SEC31A: variants seen among roughly 807,000 people sequenced by gnomAD.
SEC31A encodes the protein protein transport protein Sec31A.
SEC31A carries 70 observed loss-of-function variants against 151.0 expected under a neutral mutation model. The observed-to-expected ratio is 0.46, with a 90% CI of 0.38 to 0.57. The LOEUF (loss-of-function observed/expected upper bound fraction) is 0.57. Ranked by LOEUF, SEC31A falls within the 20% of genes least tolerant of loss-of-function variation. The pLI, the probability that SEC31A is intolerant of heterozygous loss-of-function variation, is 0.00. For synonymous variants in SEC31A, 475 were observed against 505.9 expected, an observed-to-expected ratio of 0.94 and a Z score of 0.82; for missense variants, 1,330 against 1,471.2, an observed-to-expected ratio of 0.90 and a Z score of 1.57.
chr4:82,826,770 T>G (rs1181469857), intron 24 of SEC31A, among the ~76,000 whole-genome samples: 1 of 152,248 alleles, frequency 6.6e-6, no homozygotes, highest in Non-Finnish European at 1.5e-5. Flanking sequence ...TTTTTTTACT[T>G]GGGCAGGAGC....
intron 22 of SEC31A, among the ~76,000 whole-genome samples, chr4:82,831,711 C>G (rs772469748): frequency 3.9e-5 from 6 of 152,192 alleles, no homozygotes; most frequent in Non-Finnish European, 7.3e-5. Flanking sequence ...TGGGGTCATA[C>G]TGTGCATATA....
chr4:82,837,199 A>AGATATATAT (rs56888042), intron 22 of SEC31A, among the ~76,000 whole-genome samples: 19 of 83,132 alleles, frequency 2.3e-4, no homozygotes, highest in Non-Finnish European at 4.4e-4. Context: ...ATATATATAT[A>AGATATATAT]ATTTCACCAC....
At chr4:82,836,234 G>A (rs1482954374) in intron 22 of SEC31A, among the ~76,000 whole-genome samples, 2 of 151,942 alleles carry the variant, frequency 1.3e-5, no homozygotes, top group African/African-American at 2.4e-5. Flanking sequence ...TTAGCTGAGC[G>A]TGGTGGCACA....
chr4:82,871,845 A>T, intron 7 of SEC31A, 99 bp downstream of exon 7: 1 of 1,492,738 alleles, frequency 6.7e-7, no homozygotes, highest in Non-Finnish European at 9.1e-7. Flanking sequence ...TCTAAAAAAA[A>T]AAGTTCCTGT....
chr4:82,898,390 T>C (rs561723615), intron 3 of SEC31A, among the ~76,000 whole-genome samples: 14 of 152,366 alleles, frequency 9.2e-5, no homozygotes, highest in African/African-American at 3.4e-4. Flanking sequence ...GGATTACTTA[T>C]TTCCTATGCA....
chr4:82,857,765 C>T lies in SEC31A; in HGVS notation c.1627-1G>A. The T allele has an allele frequency of 1.3e-6, 2 of 1,579,586 alleles. No homozygotes were observed. The highest frequency in any genetic ancestry group is 1.7e-6 in the Non-Finnish European group (2 of 1,152,898). ...ATTCTTCTTTTTCCTCTTTAATGTG[C>T]TAAAGAGATGAAAAAAGCAACAATT... On this transcript the variant is annotated splice_acceptor_variant, in intron 14 of 26. Transcript: ENST00000395310. LOFTEE classifies it high-confidence loss of function.
rs1442562610 is a variant in SEC31A at position 82,867,161 on chromosome 4, A to G, written c.1038T>C (p.Val346=). 1 of 1,613,044 alleles carries G rather than the reference A, an allele frequency of 6.2e-7. No individual in the cohort carries two copies. Among genetic ancestry groups the G allele is most frequent in the East Asian group, 2.2e-5 (1 of 44,878 alleles). ...GSTDGLRQKQ[V]DKLSSSFGNL... is the part of the protein sequence containing the mutation. ...CTTTAACACTTCCTATTACCTTGTC[A>G]ACTTGTTTCTGTCTTAAACCATCTG... Residue 346 remains valine (V), a synonymous_variant, in exon 9 of 27, where the codon GTT becomes GTC. Transcript: ENST00000395310.
chr4:82,824,957 T>C (rs1724206346), intron 24 of SEC31A, among the ~76,000 whole-genome samples: 1 of 152,232 alleles, frequency 6.6e-6, no homozygotes, highest in African/African-American at 2.4e-5. Context: ...ATATTGTTTA[T>C]AACTGATGGG....
At chr4:82,884,338 CT>C (rs1215717745) in intron 1 of SEC31A, among the ~76,000 whole-genome samples, 1 of 151,356 alleles carries the variant, frequency 6.6e-6, no homozygotes, top group Non-Finnish European at 1.5e-5. Flanking sequence ...TTTGACTTTG[CT>C]TTTTTCAAAA....
At chr4:82,891,225 A>T (rs1719699696), upstream of SEC31A, 1 of 1,497,706 alleles carries the variant, frequency 6.7e-7, no homozygotes, top group South Asian at 1.2e-5. Context: ...AGCCGCAGCC[A>T]CGCCCTGCGC....
chr4:82,860,699 T>C (rs906315181), intron 14 of SEC31A, among the ~76,000 whole-genome samples: 5 of 152,196 alleles, frequency 3.3e-5, no homozygotes, highest in Admixed American at 3.3e-4. Context: ...AGTCTTGAAC[T>C]CATAGCCTCA....
intron 12 of SEC31A, 85 bp from the exon 13 acceptor site, chr4:82,862,657 C>T (rs1003728861): frequency 1.9e-5 from 22 of 1,161,858 alleles, no homozygotes; most frequent in South Asian, 2.5e-5. Context: ...TTCTCACTGG[C>T]GAAAATCCAC....
At chr4:82,854,143 C>G (rs1346227459) in intron 17 of SEC31A, among the ~76,000 whole-genome samples, 1 of 152,126 alleles carries the variant, frequency 6.6e-6, no homozygotes, top group Admixed American at 6.5e-5. Flanking sequence ...ACGGGCAGAT[C>G]AGCAGAGGTC....
intron 22 of SEC31A, among the ~76,000 whole-genome samples, chr4:82,833,203 C>T (rs1317634928): frequency 6.6e-6 from 1 of 152,186 alleles, no homozygotes; most frequent in African/African-American, 2.4e-5. Context: ...GGCACATATA[C>T]ACCATGGAAT....
intron 21 of SEC31A, chr4:82,843,578 A>T (rs953266153): frequency 6.6e-6 from 1 of 152,170 alleles, no homozygotes. Flanking sequence ...TAAACATTTG[A>T]GTGAAAGGTT....
At chr4:82,850,967 GC>G (rs778714340) in intron 19 of SEC31A, among the ~76,000 whole-genome samples, 9 of 152,120 alleles carry the variant, frequency 5.9e-5, no homozygotes, top group African/African-American at 9.7e-5. Context: ...AAATATACTT[GC>G]CCACAGACAG....
intron 1 of SEC31A, among the ~76,000 whole-genome samples, chr4:82,887,427 G>T (rs1465494900): frequency 1.3e-5 from 2 of 152,180 alleles, no homozygotes; most frequent in Non-Finnish European, 2.9e-5. Context: ...GAAAGGAAAA[G>T]AAAATTGTGT....
Position 82,864,605 on chromosome 4 carries a change from A to C in SEC31A, c.1198-7T>G, listed in dbSNP as rs760644532. On this transcript the variant is annotated splice_polypyrimidine_tract_variant and splice_region_variant and intron_variant, in intron 10 of 26. Coordinates refer to ENST00000395310, the MANE Select transcript of SEC31A (RefSeq NM_001077207.4). ...TAACCAGTTTGCCTCCAAACTATAA[A>C]AGAGAGAATGAACAAACTCAGTGTT... The C allele has an allele frequency of 6.2e-7, 1 of 1,612,122 alleles. No homozygotes were observed. The highest frequency in any genetic ancestry group is 8.5e-7 in the Non-Finnish European group (1 of 1,178,748).
At position 82,844,537 on chromosome 4, in the gene SEC31A, C is replaced by T. The variant is rs200823135; in HGVS notation, c.2503-28G>A. The T allele has an allele frequency of 6.1e-4, 988 of 1,607,404 alleles. 1 individual carries two copies. The highest frequency in any genetic ancestry group is 7.6e-4 in the Non-Finnish European group (888 of 1,175,290). On this transcript the variant is annotated intron_variant, in intron 20 of 26. Transcript: ENST00000395310. Reference sequence around the variant, plus strand: ...AAGAAACAAGAACATGGTAAGAAGGCGGATACAAGTAGAACCAGGAACTTC... The same window carrying T: ...AAGAAACAAGAACATGGTAAGAAGGTGGATACAAGTAGAACCAGGAACTTC...
Sources: gnomAD v4.1 joint callset for allele counts (sites outside exome capture counted in the v4.1 genomes callset) on GRCh38, gnomAD v4.1.1 for gene constraint, MANE v1.5 for transcripts, NCBI Gene and HGNC (gene_info 2026-07-23, HGNC 2026-07-21) for gene names.